PAK1: variants seen among roughly 807,000 people sequenced by gnomAD.
The protein encoded by PAK1 is serine/threonine-protein kinase PAK 1.
A neutral mutation model predicts 67.4 loss-of-function variants in PAK1; 29 were observed. That is an observed-to-expected ratio of 0.43 (90% confidence interval 0.32 to 0.59). The LOEUF is 0.59. PAK1 is among the 20% of genes least tolerant of loss of function. PAK1 has a pLI of 0.07. For missense variants in PAK1, 337 were observed against 670.7 expected (o/e 0.50, Z 5.50); for synonymous variants, 223 against 237.4 (o/e 0.94, Z 0.56).
At chr11:77,331,518 A>G (rs527869391) in intron 14 of PAK1, among the ~76,000 whole-genome samples, 1 of 152,222 alleles carries the variant, frequency 6.6e-6, no homozygotes, top group South Asian at 2.1e-4. Context: ...CATCATTCTC[A>G]GCAAACTATT....
chr11:77,323,879 T>C (rs970434483), intron 14 of PAK1, among the ~76,000 whole-genome samples: 6 of 152,200 alleles, frequency 3.9e-5, no homozygotes, highest in Admixed American at 6.5e-5. Flanking sequence ...AGCCTAACCA[T>C]GGTGATAATC....
At chr11:77,367,771 G>C (rs978446809) in intron 5 of PAK1, among the ~76,000 whole-genome samples, 1 of 152,196 alleles carries the variant, frequency 6.6e-6, no homozygotes, top group Non-Finnish European at 1.5e-5. Flanking sequence ...AACCTCAGGA[G>C]ATCGAAATCA....
intron 5 of PAK1, among the ~76,000 whole-genome samples, chr11:77,368,381 C>T (rs575751591): frequency 2.6e-5 from 4 of 152,278 alleles, no homozygotes; most frequent in South Asian, 4.1e-4. Flanking sequence ...ATTAATTAAA[C>T]GTGAGGGTAG....
At chr11:77,402,301 C>T (rs1358459170) in intron 1 of PAK1, among the ~76,000 whole-genome samples, 1 of 152,100 alleles carries the variant, frequency 6.6e-6, no homozygotes, top group Non-Finnish European at 1.5e-5. Context: ...GAGTGACAGA[C>T]TGAAGTTCTC....
chr11:77,527,194 C>T, the PAK1 span, among the ~76,000 whole-genome samples: 1 of 152,134 alleles, frequency 6.6e-6, no homozygotes, highest in African/African-American at 2.4e-5. Context: ...CCTCCGCCTC[C>T]CAGGCTCAAG....
chr11:77,523,908 A>ACCTT, the PAK1 span, among the ~76,000 whole-genome samples: 1 of 152,166 alleles, frequency 6.6e-6, no homozygotes, highest in Non-Finnish European at 1.5e-5. Context: ...ATCTGGCTGC[A>ACCTT]CCTTGCCAGT....
chr11:77,501,155 A>AAAAAAACAAAAAAC, the PAK1 span, among the ~76,000 whole-genome samples: 13 of 148,646 alleles, frequency 8.7e-5, no homozygotes, highest in South Asian at 2.1e-4. Flanking sequence ...CGTCTCAAAA[A>AAAAAAACAAAAAAC]AAAAAACAAA....
chr11:77,467,227 C>A (rs974846009), intron 1 of PAK1, among the ~76,000 whole-genome samples: 2 of 152,180 alleles, frequency 1.3e-5, no homozygotes, highest in Non-Finnish European at 2.9e-5. Flanking sequence ...ATGTCACCTC[C>A]TTTAAGAATG....
chr11:77,482,804 C>T, the PAK1 span, among the ~76,000 whole-genome samples: 25 of 151,992 alleles, frequency 1.6e-4, no homozygotes, highest in Admixed American at 9.8e-4. Context: ...CAGGATCTCC[C>T]TCTGTTGCCC....
chr11:77,429,671 T>A (rs1476992435), intron 1 of PAK1, among the ~76,000 whole-genome samples: 1 of 152,232 alleles, frequency 6.6e-6, no homozygotes, highest in Non-Finnish European at 1.5e-5. Flanking sequence ...TTCAGAAGTG[T>A]CAAGGTTATC....
intron 1 of PAK1, among the ~76,000 whole-genome samples, chr11:77,471,936 G>T (rs1250202191): frequency 6.6e-6 from 1 of 152,164 alleles, no homozygotes; most frequent in Non-Finnish European, 1.5e-5. Flanking sequence ...CTTTGGCCAA[G>T]AGAAGACTTG....
At chr11:77,506,655 A>G in the PAK1 span, among the ~76,000 whole-genome samples, 1 of 152,174 alleles carries the variant, frequency 6.6e-6, no homozygotes, top group Non-Finnish European at 1.5e-5. Context: ...TACAGGAAAA[A>G]TGGTGGGTTG....
chr11:77,350,720 A>T (rs1341188618), intron 8 of PAK1, among the ~76,000 whole-genome samples: 15 of 152,208 alleles, frequency 9.9e-5, no homozygotes, highest in Admixed American at 9.8e-4. Flanking sequence ...TATGGTCACC[A>T]GCTCCCTAAT....
chr11:77,432,916 A>C (rs942827337), intron 1 of PAK1, among the ~76,000 whole-genome samples: 2 of 152,188 alleles, frequency 1.3e-5, no homozygotes, highest in Non-Finnish European at 2.9e-5. Context: ...AAAACAAAGA[A>C]GACTAATACT....
intron 6 of PAK1, among the ~76,000 whole-genome samples, chr11:77,357,576 C>CA (rs1946204301): frequency 6.6e-6 from 1 of 152,122 alleles, no homozygotes; most frequent in Non-Finnish European, 1.5e-5. Context: ...TTTGTACACA[C>CA]AAAAATACCA....
At chr11:77,395,623 C>T (rs116303187) in intron 1 of PAK1, among the ~76,000 whole-genome samples, 2,198 of 152,122 alleles carry the variant, frequency 0.014, 45 homozygotes, top group African/African-American at 0.05. Context: ...AACACACACC[C>T]CAACGTGTTT....
At chr11:77,444,860 T>A (rs973884408) in intron 1 of PAK1, among the ~76,000 whole-genome samples, 8 of 152,152 alleles carry the variant, frequency 5.3e-5, no homozygotes, top group Admixed American at 4.6e-4. Flanking sequence ...GAGGTCTGAA[T>A]ACTGCAAGGA....
chr11:77,410,485 C>T (rs1954336987), intron 1 of PAK1, among the ~76,000 whole-genome samples: 1 of 152,042 alleles, frequency 6.6e-6, no homozygotes, highest in African/African-American at 2.4e-5. Flanking sequence ...ATGTTTGGAC[C>T]TCATAAACAC....
At chr11:77,399,042 T>C (rs1246693791) in intron 1 of PAK1, among the ~76,000 whole-genome samples, 8 of 152,204 alleles carry the variant, frequency 5.3e-5, no homozygotes, top group South Asian at 4.1e-4. Context: ...ATGAAAGGTA[T>C]GTACACCTTT....
Sources: gnomAD v4.1 joint callset for allele counts (sites outside exome capture counted in the v4.1 genomes callset) on GRCh38, gnomAD v4.1.1 for gene constraint, MANE v1.5 for transcripts, NCBI Gene and HGNC (gene_info 2026-07-23, HGNC 2026-07-21) for gene names.